SPECC1: variants seen among roughly 807,000 people sequenced by gnomAD.
SPECC1 encodes cytospin-B.
Under a neutral mutation model 104.1 loss-of-function variants are expected in SPECC1, and 62 were observed. The observed-to-expected ratio is 0.60, with a 90% confidence interval of 0.49 to 0.74. The LOEUF is 0.74. SPECC1 is among the 30% of genes least tolerant of loss of function. The pLI, the probability that SPECC1 is intolerant of heterozygous loss-of-function variation, is 0.00. For synonymous variants in SPECC1, 513 were observed against 501.6 expected (o/e 1.02, Z -0.30); for missense variants, 1,306 against 1,310.5 (o/e 1.00, Z 0.05).
intron 1 of SPECC1, chr17:20,056,539 C>G (rs751973372): frequency 1.4e-5 from 3 of 215,652 alleles, no homozygotes; most frequent in Non-Finnish European, 3.0e-5. Flanking sequence ...AAAATGAGAT[C>G]AATACAGGAG....
intron 1 of SPECC1, among the ~76,000 whole-genome samples, chr17:20,033,276 T>C (rs1212551239): frequency 6.6e-6 from 1 of 152,040 alleles, no homozygotes; most frequent in Non-Finnish European, 1.5e-5. Flanking sequence ...TATATATATA[T>C]TTTTTGGTTG....
intron 2 of SPECC1, among the ~76,000 whole-genome samples, chr17:20,106,191 G>T (rs2048189457): frequency 6.6e-6 from 1 of 152,134 alleles, no homozygotes; most frequent in African/African-American, 2.4e-5. Context: ...AACCAGAATT[G>T]ATTTTCATTT....
At chr17:20,096,238 G>T (rs2047637315) in intron 1 of SPECC1, among the ~76,000 whole-genome samples, 1 of 152,052 alleles carries the variant, frequency 6.6e-6, no homozygotes, top group Admixed American at 6.5e-5. Flanking sequence ...TAAGTATATT[G>T]TTCCTTTGTC....
intron 12 of SPECC1, among the ~76,000 whole-genome samples, chr17:20,264,789 T>C (rs2040162563): frequency 6.6e-6 from 1 of 152,092 alleles, no homozygotes. Context: ...ACTGGATACA[T>C]ATACATAAAA....
At chr17:20,272,608 A>G (rs573928171) in intron 12 of SPECC1, among the ~76,000 whole-genome samples, 2 of 152,308 alleles carry the variant, frequency 1.3e-5, no homozygotes, top group Admixed American at 1.3e-4. Flanking sequence ...CACTTTAGGT[A>G]CCCCATATAA....
At chr17:20,102,204 T>C (rs1433144346) in intron 2 of SPECC1, among the ~76,000 whole-genome samples, 2 of 152,218 alleles carry the variant, frequency 1.3e-5, no homozygotes, top group African/African-American at 4.8e-5. Flanking sequence ...AGCTTTCCTT[T>C]TGATGTTGCA....
intron 2 of SPECC1, among the ~76,000 whole-genome samples, chr17:20,109,752 G>T (rs2048390144): frequency 6.6e-6 from 1 of 151,998 alleles, no homozygotes; most frequent in African/African-American, 2.4e-5. Context: ...TTGTTGTCCT[G>T]GAATTTCTTT....
chr17:20,124,118 G>A (rs981990601), intron 3 of SPECC1, among the ~76,000 whole-genome samples: 2 of 152,116 alleles, frequency 1.3e-5, no homozygotes, highest in African/African-American at 4.8e-5. Context: ...AGGGCCATGA[G>A]CCAGGGATGT....
At chr17:20,283,005 C>T (rs2040825883) in intron 12 of SPECC1, among the ~76,000 whole-genome samples, 1 of 151,800 alleles carries the variant, frequency 6.6e-6, no homozygotes, top group Non-Finnish European at 1.5e-5. Flanking sequence ...ATAGTGAGAC[C>T]CCATCTCTAA....
intron 2 of SPECC1, 130 bp downstream of exon 2, chr17:20,096,928 A>G: frequency 1.7e-6 from 2 of 1,188,984 alleles, no homozygotes; most frequent in Non-Finnish European, 2.4e-6. Context: ...GGGTCGCAGG[A>G]GGACCAGCAT....
At chr17:20,047,154 C>T (rs1276405439) in intron 1 of SPECC1, among the ~76,000 whole-genome samples, 1 of 152,142 alleles carries the variant, frequency 6.6e-6, no homozygotes, top group Non-Finnish European at 1.5e-5. Flanking sequence ...TATGAGAATG[C>T]TTGTGTTCTT....
intron 7 of SPECC1, among the ~76,000 whole-genome samples, chr17:20,235,444 C>CA (rs1280120563): frequency 1.3e-5 from 2 of 152,216 alleles, no homozygotes; most frequent in Non-Finnish European, 2.9e-5. Flanking sequence ...TGAAAACTCT[C>CA]ACTGAAATGA....
intron 1 of SPECC1, among the ~76,000 whole-genome samples, chr17:20,023,668 A>C (rs886590355): frequency 1.5e-4 from 23 of 152,220 alleles, no homozygotes; most frequent in Admixed American, 2.0e-4. Flanking sequence ...GTATAGCTGG[A>C]AAGCTGAGAT....
chr17:20,117,785 G>C (rs2048833983), intron 3 of SPECC1, among the ~76,000 whole-genome samples: 1 of 151,542 alleles, frequency 6.6e-6, no homozygotes, highest in Non-Finnish European at 1.5e-5. Flanking sequence ...ATGGCTAGTG[G>C]AAAGATACTA....
intron 12 of SPECC1, among the ~76,000 whole-genome samples, chr17:20,291,821 A>T (rs1396792722): frequency 6.6e-6 from 1 of 151,920 alleles, no homozygotes; most frequent in Non-Finnish European, 1.5e-5. Flanking sequence ...CTGGGGTTAC[A>T]GCGTGAGCTA....
chr17:20,094,985 G>A (rs2047576385), intron 1 of SPECC1, among the ~76,000 whole-genome samples: 2 of 152,118 alleles, frequency 1.3e-5, no homozygotes, highest in Admixed American at 6.5e-5. Context: ...ATCTCCATGA[G>A]TCAGTCAGAC....
intron 10 of SPECC1, among the ~76,000 whole-genome samples, chr17:20,254,600 T>G (rs1455467558): frequency 1.3e-5 from 2 of 152,088 alleles, no homozygotes; most frequent in Non-Finnish European, 2.9e-5. Context: ...TAGTGGGAAG[T>G]TAAGGTTGTC....
At chr17:20,114,034 C>T (rs939355823) in intron 3 of SPECC1, among the ~76,000 whole-genome samples, 1 of 152,020 alleles carries the variant, frequency 6.6e-6, no homozygotes, top group Non-Finnish European at 1.5e-5. Flanking sequence ...CTGCTAGAAC[C>T]CTACAGTGGG....
chr17:20,264,591 C>T (rs2040155767), intron 12 of SPECC1, among the ~76,000 whole-genome samples: 1 of 150,848 alleles, frequency 6.6e-6, no homozygotes, highest in African/African-American at 2.4e-5. Context: ...CCTGCCTTAG[C>T]CTCCCAAGTA....
Sources: gnomAD v4.1 joint callset for allele counts (sites outside exome capture counted in the v4.1 genomes callset) on GRCh38, gnomAD v4.1.1 for gene constraint, MANE v1.5 for transcripts, NCBI Gene and HGNC (gene_info 2026-07-23, HGNC 2026-07-21) for gene names.